The following FAM161B variants were observed in gnomAD, a reference collection of about 807,000 sequenced individuals.
FAM161B encodes the protein FAM161 centrosomal protein B.
Under a neutral mutation model 61.5 loss-of-function variants are expected in FAM161B, and 46 were observed. The ratio of observed to expected loss-of-function variants is 0.75; its 90% CI spans 0.59 to 0.96. The LOEUF (loss-of-function observed/expected upper bound fraction) is 0.96. Among genes scored for constraint, FAM161B ranks in the 40% least tolerant of loss-of-function variants. The pLI is 0.00. For synonymous variants in FAM161B, 284 were observed against 302.7 expected, an observed-to-expected ratio of 0.94 and a Z score of 0.64; for missense variants, 774 against 800.7, an observed-to-expected ratio of 0.97 and a Z score of 0.40.
chr14:73,945,615 G>A (rs1214365427), intron 2 of FAM161B, among the ~76,000 whole-genome samples: 6 of 152,154 alleles, frequency 3.9e-5, no homozygotes, highest in Middle Eastern at 3.4e-3. Context: ...ATTTTTAGTA[G>A]AGACGGGGTT....
At chr14:73,939,163 A>G (rs543752545) in intron 5 of FAM161B, among the ~76,000 whole-genome samples, 122 of 151,942 alleles carry the variant, frequency 8.0e-4, no homozygotes, top group Non-Finnish European at 1.5e-3. Flanking sequence ...AGCTGGGTGT[A>G]GTGGCACGTG....
chr14:73,940,359 A>C (rs7142206), intron 5 of FAM161B, among the ~76,000 whole-genome samples: 98,389 of 152,022 alleles, frequency 0.65, 32,052 homozygotes, highest in South Asian at 0.72. Context: ...GATGTCTCAT[A>C]TTTGCGGCAA....
In FAM161B at chr14:73,944,666, C is replaced by T; in HGVS notation, c.594G>A (p.Glu198=). 1 of 1,613,492 alleles carries T rather than the reference C, an allele frequency of 6.2e-7. No individual in the cohort carries two copies. Among genetic ancestry groups the T allele is most frequent in the Admixed American group, 1.7e-5 (1 of 60,022 alleles). ...WLGSPASFEQ[E]RQRAQRQGEE... ...CACCCTGCCTCTGGGCCCGCTGCCT[C>T]TCCTGCTCAAAGGAGGCAGGTGAGC... is the stretch of plus-strand genomic sequence containing the variant. Residue 198 remains glutamate (E), a synonymous_variant, in exon 3 of 9, where the codon GAG becomes GAA. Transcript: ENST00000286544.
chr14:73,929,420 T>C (rs567539232), downstream of FAM161B, among the ~76,000 whole-genome samples: 2 of 152,340 alleles, frequency 1.3e-5, no homozygotes, highest in South Asian at 4.1e-4. Context: ...GCAACACATG[T>C]CCGTTTCACC....
intron 4 of FAM161B, among the ~76,000 whole-genome samples, chr14:73,941,324 G>A (rs2056016893): frequency 6.6e-6 from 1 of 152,076 alleles, no homozygotes. Context: ...GTTTCACCAT[G>A]TTGGTCAGGC....
At chr14:73,926,566 C>T (rs1028114241), downstream of FAM161B, among the ~76,000 whole-genome samples, 1 of 152,052 alleles carries the variant, frequency 6.6e-6, no homozygotes, top group African/African-American at 2.4e-5. Context: ...TCCCAATTAG[C>T]TGGGATTACA....
intron 8 of FAM161B, 76 bp from the exon 9 acceptor site, chr14:73,934,470 A>G: frequency 7.0e-7 from 1 of 1,427,558 alleles, no homozygotes; most frequent in South Asian, 1.3e-5. Flanking sequence ...CCCAGGCTGG[A>G]GTGCAGTGGC....
At chr14:73,938,134 A>G (rs752461967) in intron 5 of FAM161B, 22 bp from the exon 6 acceptor site, 1 of 1,612,880 alleles carries the variant, frequency 6.2e-7, no homozygotes, top group Non-Finnish European at 8.5e-7. Context: ...AGGCAGAAAA[A>G]GAGTATAGAT....
intron 2 of FAM161B, among the ~76,000 whole-genome samples, chr14:73,945,510 A>G (rs901251229): frequency 9.2e-5 from 14 of 152,036 alleles, no homozygotes; most frequent in African/African-American, 3.4e-4. Flanking sequence ...GGCTCACTGC[A>G]ACCTCCACCT....
intron 7 of FAM161B, 63 bp from the exon 8 acceptor site, chr14:73,936,151 T>A: frequency 6.6e-7 from 1 of 1,505,186 alleles, no homozygotes; most frequent in South Asian, 1.4e-5. Flanking sequence ...TCTAAATTAC[T>A]TAATCAGTAT....
At chr14:73,931,313 G>C (rs2055910526), downstream of FAM161B, among the ~76,000 whole-genome samples, 2 of 152,180 alleles carry the variant, frequency 1.3e-5, 1 homozygote, top group South Asian at 4.1e-4. Flanking sequence ...CTTATGACAT[G>C]GCTAAAGTGC....
intron 1 of FAM161B, among the ~76,000 whole-genome samples, chr14:73,948,242 A>C (rs1235285044): frequency 6.6e-6 from 1 of 152,324 alleles, no homozygotes; most frequent in Admixed American, 6.5e-5. Flanking sequence ...ATACTTATTC[A>C]AAAGGTGAGA....
intron 5 of FAM161B, among the ~76,000 whole-genome samples, 193 bp downstream of exon 5, chr14:73,940,733 T>C (rs1177345294): frequency 6.6e-6 from 1 of 152,220 alleles, no homozygotes; most frequent in Non-Finnish European, 1.5e-5. Context: ...ACTATGAATA[T>C]GTGCTGAATG....
At chr14:73,938,831 G>A (rs894012086) in intron 5 of FAM161B, among the ~76,000 whole-genome samples, 15 of 152,272 alleles carry the variant, frequency 9.9e-5, no homozygotes, top group African/African-American at 3.4e-4. Flanking sequence ...TTTCTGGAAA[G>A]TAAGTTGGTG....
Position 73,944,845 on chromosome 14 carries a change from G to A in FAM161B, c.415C>T (p.Pro139Ser). ...GTCTGAGGCCTGGGAATGTTGGAGG[G>A]AAGGTTGTTCAGGGAGCTGCAGCGC... is the stretch of plus-strand genomic sequence containing the variant. ...TRRCSSLNNL[P>S]SNIPRPQTQP... Residue 139 changes from proline to serine, a missense_variant, in exon 3 of 9, where the codon CCC becomes TCC. Coordinates refer to ENST00000286544, the MANE Select transcript of FAM161B (RefSeq NM_152445.3). 6.5e-7 allele frequency: 1 copy of A among 1,531,578 alleles called. No individual in the cohort carries two copies. Among genetic ancestry groups the A allele is most frequent in the Non-Finnish European group, 8.8e-7 (1 of 1,140,682 alleles). 94.9% of individuals were successfully genotyped at this position (1,531,578 alleles called of 1,614,324 possible).
chr14:73,939,069 C>T (rs1240319040), intron 5 of FAM161B, among the ~76,000 whole-genome samples: 3 of 152,096 alleles, frequency 2.0e-5, no homozygotes, highest in South Asian at 2.1e-4. Context: ...GAGGCTGAGG[C>T]GGGCTGATCA....
rs1399215774 is a variant in FAM161B at position 73,946,281 on chromosome 14, C to T, written c.374+5G>A. The T allele has an allele frequency of 3.1e-6, 5 of 1,610,188 alleles. No homozygotes were observed. The Middle Eastern group carries it at 5.3e-4, about 169-fold the overall frequency. On this transcript the variant is annotated splice_donor_5th_base_variant and intron_variant, in intron 2 of 8. Coordinates refer to ENST00000286544, the MANE Select transcript of FAM161B (RefSeq NM_152445.3). Reference sequence around the variant, plus strand: ...TGAGGCAGCCGTGGAGCTGCAGTGCCTTACCTCAGAGCCTGCGGGCACTGG... The same window carrying T: ...TGAGGCAGCCGTGGAGCTGCAGTGCTTTACCTCAGAGCCTGCGGGCACTGG...
the FAM161B span, chr14:73,923,591 C>A: frequency 6.5e-7 from 1 of 1,531,804 alleles, no homozygotes; most frequent in Non-Finnish European, 8.8e-7. Context: ...TTTAGAGGAC[C>A]TGAAAAAGTC....
In FAM161B at chr14:73,944,418, G is replaced by T. The variant is rs760768791; in HGVS notation, c.842C>A (p.Ala281Asp). The T allele has an allele frequency of 9.9e-6, 16 of 1,612,966 alleles. No homozygotes were observed. The highest frequency in any genetic ancestry group is 1.4e-5 in the Non-Finnish European group (16 of 1,179,084). Reference sequence around the variant, plus strand: ...CTTCTGCTTGGAGATCTTGGCTTCAGCTGTGGCTGCCAAGTCTCTCTGTCG... The same window carrying T: ...CTTCTGCTTGGAGATCTTGGCTTCATCTGTGGCTGCCAAGTCTCTCTGTCG... ...AARQRDLAAT[A>D]EAKISKQKAT... The change falls in exon 3 of 9, where the codon GCT becomes GAT. Residue 281 changes from alanine (A) to aspartate (D), a missense_variant. By Grantham distance (126) the Ala-to-Asp change is moderately radical. Coordinates refer to ENST00000286544, the MANE Select transcript of FAM161B (RefSeq NM_152445.3).
Sources: gnomAD v4.1 joint callset for allele counts (sites outside exome capture counted in the v4.1 genomes callset) on GRCh38, gnomAD v4.1.1 for gene constraint, MANE v1.5 for transcripts, NCBI Gene and HGNC (gene_info 2026-07-23, HGNC 2026-07-21) for gene names.